CEP72: variants seen among roughly 807,000 people sequenced by gnomAD.
CEP72 encodes centrosomal protein 72.
In CEP72, 78 loss-of-function variants were observed where a neutral mutation model predicts 65.7. The ratio of observed to expected loss-of-function variants is 1.19; its 90% CI spans 0.99 to 1.43. CEP72 has a LOEUF of 1.43. Among genes scored for constraint, CEP72 ranks in the 40% most tolerant of loss-of-function variants. The pLI, the probability that CEP72 is intolerant of heterozygous loss-of-function variation, is 0.00. For missense variants in CEP72, 914 were observed against 832.9 expected (o/e 1.10, Z -1.20); for synonymous variants, 358 against 351.7 (o/e 1.02, Z -0.20).
At position 642,386 on chromosome 5, in the gene CEP72, G is replaced by GC. The variant is rs1380955973; in HGVS notation, c.1539+1788dup. On this transcript the variant is annotated intron_variant, in intron 9 of 11. Coordinates refer to ENST00000264935, the MANE Select transcript of CEP72 (RefSeq NM_018140.4). The stretch of plus-strand genomic sequence containing the variant: ...AAGCCTCTATATTTAAACACGTGTG[G>GC]CCCCCCGTCTGGAAGCCTTTATACT... 13 of 985,336 alleles carry GC rather than the reference G, an allele frequency of 1.3e-5. No homozygotes were observed. The South Asian group carries it at 1.4e-4, about 11-fold the overall frequency. 61.0% of individuals were successfully genotyped at this position (985,336 alleles called of 1,614,324 possible).
intron 11 of CEP72, among the ~76,000 whole-genome samples, chr5:649,854 G>A (rs1489961720): frequency 1.1e-5 from 1 of 91,496 alleles, no homozygotes; most frequent in East Asian, 5.2e-4. Flanking sequence ...AGGCGTGACT[G>A]TGAGGCGTGA....
chr5:648,789 T>C (rs901831662), intron 11 of CEP72, among the ~76,000 whole-genome samples: 6 of 93,536 alleles, frequency 6.4e-5, no homozygotes, highest in Non-Finnish European at 6.3e-5. Flanking sequence ...GACTGTGAGG[T>C]GTGACTGTGA....
intron 11 of CEP72, among the ~76,000 whole-genome samples, chr5:651,537 G>T (rs371643833): frequency 6.6e-6 from 1 of 152,012 alleles, no homozygotes; most frequent in African/African-American, 2.4e-5. Context: ...ACTGCAGTGC[G>T]TGTTCAGTTG....
At chr5:667,505 G>A (rs72707023), downstream of CEP72, among the ~76,000 whole-genome samples, 18,518 of 152,216 alleles carry the variant, frequency 0.12, 1,468 homozygotes, top group Non-Finnish European at 0.18. Flanking sequence ...GGGGTTAGGC[G>A]AAGATTTCTT....
chr5:640,263 G>C, intron 8 of CEP72, 145 bp from the exon 9 acceptor site: 1 of 1,073,432 alleles, frequency 9.3e-7, no homozygotes, highest in Non-Finnish European at 1.3e-6. Context: ...AGGTGGTTTT[G>C]TGGCGCCAAC....
intron 9 of CEP72, chr5:642,481 C>T (rs1738122025): frequency 6.1e-6 from 6 of 985,378 alleles, no homozygotes; most frequent in Admixed American, 6.1e-5. Context: ...TTCTGTGGGA[C>T]ACAGTCAGGC....
chr5:637,919 T>C (rs558821639), intron 7 of CEP72, 101 bp downstream of exon 7: 67 of 1,141,012 alleles, frequency 5.9e-5, no homozygotes, highest in Non-Finnish European at 6.8e-5. Flanking sequence ...CGGCACTGAC[T>C]GTGTCCCTCC....
downstream of CEP72, among the ~76,000 whole-genome samples, chr5:667,394 A>G (rs1169845891): frequency 6.6e-6 from 1 of 152,178 alleles, no homozygotes; most frequent in Admixed American, 6.5e-5. Context: ...ACTTTGGTCT[A>G]TACTGCACAC....
At chr5:643,637 G>A (rs1248031240) in intron 9 of CEP72, 1 of 985,406 alleles carries the variant, frequency 1.0e-6, no homozygotes, top group East Asian at 1.1e-4. Context: ...GCCCCAGGAT[G>A]TGCCTGCTGG....
At chr5:614,143 C>T (rs896985566) in intron 1 of CEP72, among the ~76,000 whole-genome samples, 1 of 152,110 alleles carries the variant, frequency 6.6e-6, no homozygotes, top group Non-Finnish European at 1.5e-5. Context: ...TTCAAAGAAC[C>T]GACTTTGGGT....
chr5:618,367 T>C (rs940945340), intron 1 of CEP72, among the ~76,000 whole-genome samples: 1 of 152,152 alleles, frequency 6.6e-6, no homozygotes, highest in Non-Finnish European at 1.5e-5. Context: ...AAGCTGAAAA[T>C]ACAGAAATGT....
At chr5:621,798 T>C (rs1318299782) in intron 3 of CEP72, among the ~76,000 whole-genome samples, 1 of 152,236 alleles carries the variant, frequency 6.6e-6, no homozygotes, top group East Asian at 1.9e-4. Context: ...TTTTGAGACA[T>C]AGTCTCGCTT....
In CEP72 at chr5:645,956, C is replaced by T. The variant is rs547388053; in HGVS notation, c.1666+1531C>T. On this transcript the variant is annotated intron_variant, in intron 10 of 11. Coordinates refer to ENST00000264935, the MANE Select transcript of CEP72 (RefSeq NM_018140.4). The surrounding 1 kb of genome is among the most constrained non-coding windows in gnomAD (Gnocchi z 4.0). ...ACTGTGTGAGCGTCACTCCTGCTCC[C>T]GTTGGCGCCCTGTGTGGATGGTGAA... 2.4e-4 allele frequency among the ~76,000 whole-genome samples: 37 copies of T among 151,504 alleles called. 1 individual carries two copies. The highest frequency in any genetic ancestry group is 6.5e-4 in the African/African-American group (27 of 41,226).
At chr5:670,566 A>G (rs532378348), downstream of CEP72, among the ~76,000 whole-genome samples, 39 of 151,848 alleles carry the variant, frequency 2.6e-4, no homozygotes, top group Middle Eastern at 3.4e-3. Flanking sequence ...CCACGGGGGG[A>G]GGGGGAGCTT....
the CEP72 span, among the ~76,000 whole-genome samples, chr5:673,421 G>C: frequency 2.0e-5 from 3 of 152,062 alleles, no homozygotes; most frequent in African/African-American, 7.2e-5. Flanking sequence ...GGCAGCCCTG[G>C]GGGGCCAGGG....
intron 4 of CEP72, among the ~76,000 whole-genome samples, chr5:626,667 T>G (rs1736777787): frequency 1.3e-5 from 2 of 152,070 alleles, no homozygotes; most frequent in South Asian, 4.1e-4. Flanking sequence ...GAAAACTTTT[T>G]TTTTTCTTAA....
chr5:636,809 CAAAAAAAA>C (rs76828125), intron 6 of CEP72, among the ~76,000 whole-genome samples: 1,043 of 54,492 alleles, frequency 0.019, 11 homozygotes, highest in Non-Finnish European at 0.03. Context: ...GACTCCAACT[CAAAAAAAA>C]AAAAAAAAAA....
chr5:632,189 G>A (rs1579966603), intron 4 of CEP72, among the ~76,000 whole-genome samples: 1 of 71,940 alleles, frequency 1.4e-5, no homozygotes, highest in African/African-American at 5.4e-5. Flanking sequence ...CCGGGATTTG[G>A]ACCAGTCCTG....
chr5:616,599 C>A (rs188189782), intron 1 of CEP72, among the ~76,000 whole-genome samples: 6,366 of 152,194 alleles, frequency 0.042, 449 homozygotes, highest in African/African-American at 0.15. Flanking sequence ...CTTGAGAAGA[C>A]TCCTCACTCG....
Sources: allele counts gnomAD v4.1 joint callset (sites outside exome capture counted in the v4.1 genomes callset), GRCh38; gene constraint gnomAD v4.1.1; non-coding constraint Gnocchi (gnomAD v3.1); transcripts MANE v1.5; gene names NCBI Gene and HGNC (gene_info 2026-07-23, HGNC 2026-07-21).